Variants in PTPRD observed in about 807,000 individuals in gnomAD.
PTPRD encodes protein tyrosine phosphatase receptor type D.
Under a neutral mutation model 214.5 loss-of-function variants are expected in PTPRD, and 34 were observed. The ratio of observed to expected loss-of-function variants is 0.16; its 90% CI spans 0.12 to 0.21. The LOEUF is 0.21. Ranked by LOEUF, PTPRD falls within the 10% of genes least tolerant of loss-of-function variation. PTPRD has a pLI of 1.00. For synonymous variants in PTPRD, 1,128 were observed against 845.7 expected (o/e 1.33, Z -5.79); for missense variants, 2,545 against 2,398.7 (o/e 1.06, Z -1.27).
At chr9:8,558,647 T>A (rs1314050539) in intron 14 of PTPRD, among the ~76,000 whole-genome samples, 3 of 152,238 alleles carry the variant, frequency 2.0e-5, no homozygotes, top group African/African-American at 7.2e-5. Flanking sequence ...GTCAACGGGC[T>A]TGGGCTATTG....
chr9:8,394,126 T>C (rs568231073), intron 36 of PTPRD, among the ~76,000 whole-genome samples: 2 of 152,052 alleles, frequency 1.3e-5, no homozygotes, highest in East Asian at 3.9e-4. Flanking sequence ...AAAATGAGCC[T>C]GGATACAGAC....
chr9:10,157,035 G>A (rs2099097842), intron 3 of PTPRD, among the ~76,000 whole-genome samples: 1 of 152,134 alleles, frequency 6.6e-6, no homozygotes, highest in Non-Finnish European at 1.5e-5. Flanking sequence ...CTGGCTTTGA[G>A]AAGGGTCTCT....
Position 8,460,489 on chromosome 9 carries a change from C to G in PTPRD, c.3797G>C (p.Gly1266Ala), listed in dbSNP as rs375476104. ...DPQPITDEEE[G>A]LIWVVGPVLA... Reference sequence around the variant, plus strand: ...GACAGGACCTACAACCCAGATCAAGCCTTCTTCTTCATCCGTGATTGGCTG... The same window carrying G: ...GACAGGACCTACAACCCAGATCAAGGCTTCTTCTTCATCCGTGATTGGCTG... The change falls in exon 33 of 46, where the codon GGC becomes GCC. Residue 1266 changes from glycine to alanine, a missense_variant. Physicochemically the swap from Gly to Ala is moderately conservative, Grantham distance 60 (BLOSUM62 0). Coordinates refer to ENST00000381196, the MANE Select transcript of PTPRD (RefSeq NM_002839.4). The G allele has an allele frequency of 1.8e-5, 29 of 1,613,554 alleles. No homozygotes were observed. Among genetic ancestry groups the G allele is most frequent in the Non-Finnish European group, 2.5e-5 (29 of 1,179,670 alleles).
chr9:9,061,603 C>T (rs2099707539), intron 10 of PTPRD, among the ~76,000 whole-genome samples: 1 of 152,036 alleles, frequency 6.6e-6, no homozygotes, highest in Non-Finnish European at 1.5e-5. Context: ...TTGACTACCC[C>T]TAAAAATGTA....
chr9:10,164,183 C>G (rs778755002), intron 3 of PTPRD, among the ~76,000 whole-genome samples: 1 of 151,488 alleles, frequency 6.6e-6, no homozygotes, highest in African/African-American at 2.4e-5. Context: ...AAATACAGAA[C>G]AGAGAACACA....
chr9:9,201,680 T>A (rs2099941935), intron 9 of PTPRD, among the ~76,000 whole-genome samples: 1 of 152,324 alleles, frequency 6.6e-6, no homozygotes, highest in South Asian at 2.1e-4. Context: ...TCTTACAATA[T>A]TCTCAATGCA....
chr9:8,341,682 C>T lies in PTPRD; in HGVS notation c.4947+11G>A, dbSNP rs2132481148. 2 of 1,612,620 alleles carry T rather than the reference C, an allele frequency of 1.2e-6. No individual in the cohort carries two copies. The highest frequency in any genetic ancestry group is 1.7e-6 in the Non-Finnish European group (2 of 1,179,206). Reference sequence around the variant, plus strand: ...TGCTCCTGAATAACCACATCACATCCAATACCATACCTTAAATTCGAGCTC... The same window carrying T: ...TGCTCCTGAATAACCACATCACATCTAATACCATACCTTAAATTCGAGCTC... On this transcript the variant is annotated intron_variant, in intron 40 of 45. Transcript: ENST00000381196.
intron 11 of PTPRD, among the ~76,000 whole-genome samples, chr9:8,931,736 A>G (rs2098954022): frequency 6.6e-6 from 1 of 152,108 alleles, no homozygotes; most frequent in South Asian, 2.1e-4. Context: ...TTCAGAAGGA[A>G]TGTTACCAGC....
At chr9:9,921,980 T>A (rs2082678695) in intron 5 of PTPRD, among the ~76,000 whole-genome samples, 1 of 152,110 alleles carries the variant, frequency 6.6e-6, no homozygotes, top group South Asian at 2.1e-4. Context: ...TGTAAAGTCA[T>A]ACACTTAATC....
chr9:10,153,758 C>T (rs1279977868), intron 3 of PTPRD, among the ~76,000 whole-genome samples: 1 of 152,028 alleles, frequency 6.6e-6, no homozygotes, highest in Non-Finnish European at 1.5e-5. Flanking sequence ...ATTTAGCTCC[C>T]ACTTATAAAT....
At position 8,928,321 on chromosome 9, in the gene PTPRD, T is replaced by C. The variant is rs191876050; in HGVS notation, c.-104+90376A>G. On this transcript the variant is annotated intron_variant, in intron 11 of 45. Coordinates refer to ENST00000381196, the MANE Select transcript of PTPRD (RefSeq NM_002839.4). Reference sequence around the variant, plus strand: ...GGATTGCCTAGGTTTTCTTCTAGGGTTTTTATGGTTTTAGGTCTAACATTT... The same window carrying C: ...GGATTGCCTAGGTTTTCTTCTAGGGCTTTTATGGTTTTAGGTCTAACATTT... Among the ~76,000 whole-genome samples the C allele has an allele frequency of 3.7e-3, 570 of 152,286 alleles. 4 individuals carry two copies. Among genetic ancestry groups the C allele is most frequent in the African/African-American group, 0.013 (549 of 41,566 alleles).
chr9:10,187,354 C>A (rs1238398041), intron 3 of PTPRD, among the ~76,000 whole-genome samples: 3 of 152,070 alleles, frequency 2.0e-5, no homozygotes, highest in Non-Finnish European at 2.9e-5. Flanking sequence ...ATCTACATTG[C>A]CTAGATATAT....
intron 2 of PTPRD, among the ~76,000 whole-genome samples, chr9:10,476,962 C>T (rs769599478): frequency 1.8e-4 from 28 of 152,044 alleles, no homozygotes; most frequent in Non-Finnish European, 3.2e-4. Flanking sequence ...GGACCCCTTA[C>T]TTAGACGTTA....
intron 11 of PTPRD, among the ~76,000 whole-genome samples, chr9:8,846,578 G>A (rs767851988): frequency 1.3e-5 from 2 of 152,164 alleles, no homozygotes; most frequent in Admixed American, 6.5e-5. Context: ...GCTATGCCCT[G>A]AAGGAAGAAA....
chr9:9,258,416 C>A (rs986969726), intron 9 of PTPRD, among the ~76,000 whole-genome samples: 1 of 149,872 alleles, frequency 6.7e-6, no homozygotes, highest in Non-Finnish European at 1.5e-5. Context: ...TAATTCATTG[C>A]ACGCTTCTAT....
At chr9:8,746,971 T>C (rs2092892711) in intron 11 of PTPRD, among the ~76,000 whole-genome samples, 1 of 152,172 alleles carries the variant, frequency 6.6e-6, no homozygotes, top group Admixed American at 6.5e-5. Context: ...GGAGTGTGGC[T>C]GGCAAAGATG....
At chr9:8,853,190 C>T (rs896377267) in intron 11 of PTPRD, among the ~76,000 whole-genome samples, 1 of 152,122 alleles carries the variant, frequency 6.6e-6, no homozygotes, top group South Asian at 2.1e-4. Context: ...CAGTCTAGCA[C>T]CATTGTGATG....
intron 14 of PTPRD, among the ~76,000 whole-genome samples, chr9:8,538,126 C>T (rs1425390602): frequency 1.3e-5 from 2 of 151,954 alleles, no homozygotes; most frequent in East Asian, 1.9e-4. Context: ...CAATATCCAT[C>T]CACTTTCACA....
chr9:9,061,344 T>C (rs1229774904), intron 10 of PTPRD, among the ~76,000 whole-genome samples: 1 of 152,222 alleles, frequency 6.6e-6, no homozygotes, highest in Non-Finnish European at 1.5e-5. Flanking sequence ...CCCATTTCTG[T>C]TTCAATGACT....
Sources: gnomAD v4.1 joint callset for allele counts (sites outside exome capture counted in the v4.1 genomes callset) on GRCh38, gnomAD v4.1.1 for gene constraint, MANE v1.5 for transcripts, NCBI Gene and HGNC (gene_info 2026-07-23, HGNC 2026-07-21) for gene names.